GRID2: variants seen among roughly 807,000 people sequenced by gnomAD.
GRID2 encodes the protein glutamate ionotropic receptor delta type subunit 2.
GRID2 carries 33 observed loss-of-function variants against 114.8 expected under a neutral mutation model. The observed-to-expected ratio is 0.29, with a 90% CI of 0.22 to 0.38. The LOEUF is 0.38. Among genes scored for constraint, GRID2 ranks in the 10% least tolerant of loss-of-function variants. The pLI is 1.00. For synonymous variants in GRID2, 505 were observed against 449.9 expected (o/e 1.12, Z -1.55); for missense variants, 1,184 against 1,257.7 (o/e 0.94, Z 0.89).
Position 92,706,474 on chromosome 4 carries a change from T to C in GRID2, c.244+116188T>C, listed in dbSNP as rs183541343. On this transcript the variant is annotated intron_variant, in intron 2 of 15. Transcript: ENST00000282020. ...CCATATGGATATCCATATCCAAATGTATGAGTCACACATATATTATCTACA... is the reference window on the plus strand; with the variant it reads ...CCATATGGATATCCATATCCAAATGCATGAGTCACACATATATTATCTACA... Among the ~76,000 whole-genome samples the C allele has an allele frequency of 6.6e-5, 10 of 152,118 alleles. No homozygotes were observed. The East Asian group carries it at 1.7e-3, about 27-fold the overall frequency.
At chr4:93,532,551 G>C (rs571712927) in intron 13 of GRID2, among the ~76,000 whole-genome samples, 1 of 152,274 alleles carries the variant, frequency 6.6e-6, no homozygotes, top group East Asian at 1.9e-4. Flanking sequence ...CTGCAGGAGA[G>C]TTGTGAATTA....
At chr4:92,457,965 A>G (rs1362445259) in intron 1 of GRID2, among the ~76,000 whole-genome samples, 1 of 152,208 alleles carries the variant, frequency 6.6e-6, no homozygotes, top group African/African-American at 2.4e-5. Flanking sequence ...AGCACCTAGA[A>G]TAAGTGAAGT....
At chr4:92,730,291 A>G (rs574702390) in intron 2 of GRID2, among the ~76,000 whole-genome samples, 99 of 152,082 alleles carry the variant, frequency 6.5e-4, no homozygotes, top group African/African-American at 2.1e-3. Context: ...TGTCACAGCA[A>G]TGGTGATCTC....
At chr4:93,194,508 T>C (rs1395680890) in intron 4 of GRID2, among the ~76,000 whole-genome samples, 12 of 152,168 alleles carry the variant, frequency 7.9e-5, no homozygotes, top group Non-Finnish European at 1.5e-5. Context: ...TGCTGGACTA[T>C]TATGTGTGGA....
chr4:93,042,669 C>CTCTATATA, intron 2 of GRID2, among the ~76,000 whole-genome samples: 1 of 143,324 alleles, frequency 7.0e-6, no homozygotes, highest in South Asian at 2.2e-4. Context: ...CTATCTCTCT[C>CTCTATATA]TCTATATATC....
chr4:93,604,251 A>G, intron 13 of GRID2, among the ~76,000 whole-genome samples: 1 of 152,200 alleles, frequency 6.6e-6, no homozygotes, highest in Non-Finnish European at 1.5e-5. Context: ...ACCCCCATAG[A>G]TGACTTTCAC....
intron 14 of GRID2, among the ~76,000 whole-genome samples, chr4:93,652,545 G>C (rs1035084650): frequency 6.6e-6 from 1 of 151,902 alleles, no homozygotes; most frequent in Non-Finnish European, 1.5e-5. Flanking sequence ...AGGAGCAATA[G>C]GCTATATCAT....
chr4:92,737,686 G>T (rs1417764825), intron 2 of GRID2, among the ~76,000 whole-genome samples: 2 of 151,996 alleles, frequency 1.3e-5, no homozygotes, highest in Non-Finnish European at 2.9e-5. Flanking sequence ...AATTATATAT[G>T]CCAAAATTTA....
intron 8 of GRID2, among the ~76,000 whole-genome samples, chr4:93,349,019 T>G (rs968432019): frequency 3.9e-5 from 6 of 152,124 alleles, no homozygotes; most frequent in Non-Finnish European, 8.8e-5. Context: ...TGAAACTGCC[T>G]CTAAAAGCAA....
intron 3 of GRID2, among the ~76,000 whole-genome samples, chr4:93,088,673 A>T (rs910342611): frequency 2.0e-5 from 3 of 152,166 alleles, no homozygotes; most frequent in Non-Finnish European, 2.9e-5. Flanking sequence ...AGCAATTAAG[A>T]TATTAAAAAT....
chr4:93,607,414 G>A (rs1236664212), intron 13 of GRID2, among the ~76,000 whole-genome samples: 4 of 151,972 alleles, frequency 2.6e-5, no homozygotes, highest in African/African-American at 4.8e-5. Context: ...GTTCCATAAT[G>A]TTTCCTGGCA....
chr4:93,438,699 T>C (rs927309328), intron 10 of GRID2, among the ~76,000 whole-genome samples: 4 of 152,106 alleles, frequency 2.6e-5, no homozygotes, highest in Admixed American at 2.6e-4. Context: ...ATTATTATTA[T>C]ACTTTAAGTT....
rs116674428 is a variant in GRID2 at position 92,599,588 on chromosome 4, T to C, written c.244+9302T>C. Among the ~76,000 whole-genome samples, 1,261 of 152,284 alleles carry C rather than the reference T, an allele frequency of 8.3e-3. 13 individuals are homozygous for C. Among genetic ancestry groups the C allele is most frequent in the African/African-American group, 0.029 (1,202 of 41,568 alleles). ...AACACATGATATCATGTTATTTTCT[T>C]AAGAATTTATGCCTCACTTCAAAAC... On this transcript the variant is annotated intron_variant, in intron 2 of 15. Transcript: ENST00000282020.
intron 1 of GRID2, among the ~76,000 whole-genome samples, chr4:92,370,835 C>T (rs775041132): frequency 6.6e-6 from 1 of 151,976 alleles, no homozygotes; most frequent in Non-Finnish European, 1.5e-5. Flanking sequence ...TGATGGTTAC[C>T]AAAGGGTGGG....
In GRID2 at chr4:93,772,111, A is replaced by T; in HGVS notation, c.2637A>T (p.Arg879Ser). 1 of 1,612,370 alleles carries T rather than the reference A, an allele frequency of 6.2e-7. No homozygotes were observed. Among genetic ancestry groups the T allele is most frequent in the South Asian group, 1.1e-5 (1 of 91,024 alleles). The change falls in exon 16 of 16, where the codon AGA becomes AGT. Residue 879 changes from arginine (R) to serine (S), a missense_variant. By Grantham distance (110) the Arg-to-Ser change is moderately radical. Coordinates refer to ENST00000282020, the MANE Select transcript of GRID2 (RefSeq NM_001510.4). ...DKEIDLEHLH[R>S]RVNSLCTDDD... is the part of the protein sequence containing the mutation. The stretch of plus-strand genomic sequence containing the variant: ...AAATTGACCTGGAGCACCTCCATAG[A>T]CGTGTAAATAGCTTGTGCACAGATG...
intron 13 of GRID2, among the ~76,000 whole-genome samples, chr4:93,532,760 T>G (rs1731579301): frequency 3.3e-5 from 5 of 152,198 alleles, no homozygotes; most frequent in Admixed American, 2.6e-4. Flanking sequence ...AAATTTCCTT[T>G]CTGCTTTAGG....
At chr4:93,573,368 G>A (rs1736112959) in intron 13 of GRID2, among the ~76,000 whole-genome samples, 1 of 152,144 alleles carries the variant, frequency 6.6e-6, no homozygotes, top group Non-Finnish European at 1.5e-5. Flanking sequence ...CTGGCACAGT[G>A]CTATACATGT....
At chr4:92,390,453 A>G (rs1272217665) in intron 1 of GRID2, among the ~76,000 whole-genome samples, 2 of 152,180 alleles carry the variant, frequency 1.3e-5, no homozygotes, top group African/African-American at 4.8e-5. Flanking sequence ...CCTTGGTCCA[A>G]CCACATCTAA....
chr4:93,417,451 T>C (rs114512248), intron 9 of GRID2, among the ~76,000 whole-genome samples: 1,893 of 152,140 alleles, frequency 0.012, 45 homozygotes, highest in African/African-American at 0.043. Flanking sequence ...GAAAAAAGCA[T>C]GAAACATTAA....
Sources: gnomAD v4.1 joint callset for allele counts (sites outside exome capture counted in the v4.1 genomes callset) on GRCh38, gnomAD v4.1.1 for gene constraint, MANE v1.5 for transcripts, NCBI Gene and HGNC (gene_info 2026-07-23, HGNC 2026-07-21) for gene names.